LPIN1: variants seen among roughly 807,000 people sequenced by gnomAD.
The protein encoded by LPIN1 is lipin 1.
A neutral mutation model predicts 107.5 loss-of-function variants in LPIN1; 71 were observed. The observed-to-expected ratio is 0.66, with a 90% CI of 0.55 to 0.80. The LOEUF is 0.80. Among genes scored for constraint, LPIN1 ranks in the 30% least tolerant of loss-of-function variants. LPIN1 has a pLI of 0.00. For synonymous variants in LPIN1, 445 were observed against 452.6 expected (o/e 0.98, Z 0.21); for missense variants, 1,043 against 1,160.6 (o/e 0.90, Z 1.47).
chr2:11,759,613 T>C (rs1007256411), intron 1 of LPIN1, among the ~76,000 whole-genome samples: 2 of 152,250 alleles, frequency 1.3e-5, no homozygotes, highest in Admixed American at 1.3e-4. Flanking sequence ...ATCTGATTTC[T>C]CTATCTTTTC....
chr2:11,790,250 G>A (rs1288385223), intron 12 of LPIN1, among the ~76,000 whole-genome samples: 2 of 152,216 alleles, frequency 1.3e-5, no homozygotes, highest in Non-Finnish European at 2.9e-5. Flanking sequence ...ACTAAAAGTG[G>A]CTTAAGTAAT....
chr2:11,750,784 G>C (rs187128256), intron 1 of LPIN1, among the ~76,000 whole-genome samples: 1 of 137,638 alleles, frequency 7.3e-6, no homozygotes, highest in Admixed American at 7.0e-5. Context: ...GCTCTTACCT[G>C]CTGAGCTATA....
At chr2:11,691,403 C>T (rs945325022) in intron 1 of LPIN1, among the ~76,000 whole-genome samples, 3 of 152,158 alleles carry the variant, frequency 2.0e-5, no homozygotes, top group Non-Finnish European at 4.4e-5. Context: ...CCTCTTTTCA[C>T]CAGCATAGGA....
intron 1 of LPIN1, among the ~76,000 whole-genome samples, chr2:11,705,807 G>A (rs1663096312): frequency 6.6e-6 from 1 of 152,182 alleles, no homozygotes; most frequent in Middle Eastern, 3.2e-3. Context: ...TAAAAGCAGT[G>A]GGAAGTTATA....
At chr2:11,678,605 C>T (rs1034132554) in intron 1 of LPIN1, among the ~76,000 whole-genome samples, 15 of 152,306 alleles carry the variant, frequency 9.8e-5, no homozygotes, top group South Asian at 4.1e-4. Context: ...GCCAACCTCC[C>T]GCTGCTGGAC....
chr2:11,758,411 A>T (rs1183174909), intron 1 of LPIN1, among the ~76,000 whole-genome samples: 1 of 152,132 alleles, frequency 6.6e-6, no homozygotes, highest in Admixed American at 6.5e-5. Flanking sequence ...GTTTCTCCAT[A>T]TCCTTGCCAA....
chr2:11,799,527 T>G (rs533942844), intron 14 of LPIN1, among the ~76,000 whole-genome samples: 2 of 151,836 alleles, frequency 1.3e-5, no homozygotes, highest in Admixed American at 1.3e-4. Context: ...CAGGACCACA[T>G]TTACCCCATC....
At chr2:11,766,222 G>T (rs1017661245) in intron 2 of LPIN1, among the ~76,000 whole-genome samples, 1 of 152,254 alleles carries the variant, frequency 6.6e-6, no homozygotes, top group Admixed American at 6.5e-5. Flanking sequence ...AAGACAGGCA[G>T]ATGCTGGAGC....
chr2:11,712,060 G>T (rs1042716206), intron 1 of LPIN1, among the ~76,000 whole-genome samples: 1 of 152,332 alleles, frequency 6.6e-6, no homozygotes, highest in East Asian at 1.9e-4. Context: ...AGAGCACAAG[G>T]CCAGAGGTCC....
chr2:11,733,434 A>G lies in LPIN1; in HGVS notation c.-71-7915A>G, dbSNP rs193152274. Among the ~76,000 whole-genome samples the G allele has an allele frequency of 6.6e-5, 10 of 151,994 alleles. No individual in the cohort carries two copies. The East Asian group carries it at 1.7e-3, about 26-fold the overall frequency. On this transcript the variant is annotated intron_variant, in intron 1 of 21. Coordinates refer to the LPIN1 transcript ENST00000396097. ...CACAATCATGCATTAGTATTGTCCT[A>G]TACACACATAATAATTGTCCAGTTG... is the stretch of plus-strand genomic sequence containing the variant.
At chr2:11,816,064 A>G (rs1367668821) in intron 18 of LPIN1, 2 of 152,218 alleles carry the variant, frequency 1.3e-5, no homozygotes, top group Non-Finnish European at 2.9e-5. Context: ...CCTGAATTTG[A>G]AGACCAGATG....
Position 11,714,147 on chromosome 2 carries a change from T to C in LPIN1, c.138+335T>C, listed in dbSNP as rs139678594. Reference sequence around the variant, plus strand: ...AGGAAGAGGTCTGCATTCACACTCATGTCATTGGTTGCCTTTACTGGACGA... The same window carrying C: ...AGGAAGAGGTCTGCATTCACACTCACGTCATTGGTTGCCTTTACTGGACGA... On this transcript the variant is annotated intron_variant, in intron 2 of 21. Coordinates refer to the LPIN1 transcript ENST00000449576. 2.0e-5 allele frequency among the ~76,000 whole-genome samples: 3 copies of C among 152,338 alleles called. No individual in the cohort carries two copies. The East Asian group carries it at 5.8e-4, about 29-fold the overall frequency.
rs1048529339 is a variant in LPIN1, at chr2:11,725,032, C to G, written c.-72+493C>G. Among the ~76,000 whole-genome samples, 6 of 152,138 alleles carry G rather than the reference C, an allele frequency of 3.9e-5. No individual in the cohort carries two copies. The South Asian group carries it at 8.3e-4, about 21-fold the overall frequency. ...AACCCAGCACTTAGGGAGGCCGAGG[C>G]GGGCGGATCACAAGGTCAGGAGATC... On this transcript the variant is annotated intron_variant, in intron 1 of 21. Transcript: ENST00000396097.
At chr2:11,820,555 C>A in intron 20 of LPIN1, 41 bp downstream of exon 20, 1 of 1,426,376 alleles carries the variant, frequency 7.0e-7, no homozygotes, top group Non-Finnish European at 9.9e-7. Flanking sequence ...GATATCAGTA[C>A]TATTATCTTA....
At chr2:11,738,868 G>C (rs552143883) in intron 1 of LPIN1, among the ~76,000 whole-genome samples, 18 of 152,316 alleles carry the variant, frequency 1.2e-4, no homozygotes, top group Admixed American at 5.2e-4. Flanking sequence ...TGAATGTGAG[G>C]AAACCACCAA....
At chr2:11,736,089 G>A (rs1024985343) in intron 1 of LPIN1, among the ~76,000 whole-genome samples, 1 of 152,230 alleles carries the variant, frequency 6.6e-6, no homozygotes, top group Admixed American at 6.5e-5. Context: ...TTCTATGGCT[G>A]GTTGGTGAGC....
At chr2:11,702,075 G>A (rs1662901201) in intron 1 of LPIN1, among the ~76,000 whole-genome samples, 1 of 152,168 alleles carries the variant, frequency 6.6e-6, no homozygotes, top group Admixed American at 6.5e-5. Flanking sequence ...ACAGGAAAAT[G>A]ACTTTCACGA....
intron 18 of LPIN1, chr2:11,819,255 CCCTTGGTGAAATGGCTCAT>C: frequency 1.9e-6 from 1 of 535,052 alleles, no homozygotes; most frequent in Non-Finnish European, 3.3e-6. Flanking sequence ...ACCAGGATAA[CCCTTGGTGAAATGGCTCAT>C]CCTTGGTGTT....
intron 11 of LPIN1, 87 bp downstream of exon 11, chr2:11,787,254 GA>G (rs1227004431): frequency 7.9e-5 from 73 of 925,510 alleles, no homozygotes; most frequent in Non-Finnish European, 1.1e-4. Context: ...TTAAGCCTTA[GA>G]AATATATAAA....
Sources: gnomAD v4.1 joint callset for allele counts (sites outside exome capture counted in the v4.1 genomes callset) on GRCh38, gnomAD v4.1.1 for gene constraint, MANE v1.5 for transcripts, NCBI Gene and HGNC (gene_info 2026-07-23, HGNC 2026-07-21) for gene names.